RUFY2: variants seen among roughly 807,000 people sequenced by gnomAD.
The protein encoded by RUFY2 is RUN and FYVE domain containing 2.
RUFY2 carries 49 observed loss-of-function variants against 94.4 expected under a neutral mutation model. The observed-to-expected ratio is 0.52, with a 90% confidence interval of 0.41 to 0.66. The LOEUF is 0.66. RUFY2 is among the 30% of genes least tolerant of loss of function. The pLI, the probability that RUFY2 is intolerant of heterozygous loss-of-function variation, is 0.00. For missense variants in RUFY2, 541 were observed against 692.8 expected (o/e 0.78, Z 2.46); for synonymous variants, 255 against 235.7 (o/e 1.08, Z -0.75).
chr10:68,365,746 A>G (rs1227777318), intron 13 of RUFY2, among the ~76,000 whole-genome samples: 1 of 152,186 alleles, frequency 6.6e-6, no homozygotes, highest in African/African-American at 2.4e-5. Context: ...CAAGTAGCCT[A>G]TGATAAAACT....
intron 4 of RUFY2, among the ~76,000 whole-genome samples, chr10:68,395,711 G>A (rs2050344488): frequency 6.6e-6 from 1 of 152,180 alleles, no homozygotes. Context: ...ACTGTCTCAT[G>A]CCTTCTTTAA....
intron 13 of RUFY2, among the ~76,000 whole-genome samples, chr10:68,372,732 C>T (rs911582265): frequency 3.3e-5 from 5 of 151,196 alleles, no homozygotes; most frequent in African/African-American, 9.7e-5. Context: ...TCCACCAAAA[C>T]AAATAAATAA....
intron 15 of RUFY2, among the ~76,000 whole-genome samples, chr10:68,357,577 T>TTTTTTTCTTTAAAAAA (rs2047152008): frequency 6.6e-6 from 1 of 152,070 alleles, no homozygotes; most frequent in Non-Finnish European, 1.5e-5. Context: ...AAAGAAAATG[T>TTTTTTTCTTTAAAAAA]GTTAATGAAA....
rs531934980 is a variant in RUFY2, at chr10:68,363,696, T to A, written c.1456-12A>T. 114 of 1,487,124 alleles carry A rather than the reference T, an allele frequency of 7.7e-5. No individual in the cohort carries two copies. Among genetic ancestry groups the A allele is most frequent in the Non-Finnish European group, 1.0e-4 (110 of 1,095,600 alleles). The allele number at this position is 1,487,124 out of a possible 1,614,324, so 92.1% of individuals were successfully genotyped here. ...AGGTTAAGGAACTCCTTCAGAACAATAAAAGACAGAAAATGAAATTTAAAA... is the reference window on the plus strand; with the variant it reads ...AGGTTAAGGAACTCCTTCAGAACAAAAAAAGACAGAAAATGAAATTTAAAA... On this transcript the variant is annotated splice_polypyrimidine_tract_variant and intron_variant, in intron 14 of 17. Coordinates refer to ENST00000602465, the MANE Select transcript of RUFY2 (RefSeq NM_001330103.2).
At chr10:68,365,545 G>C (rs1379692415) in intron 13 of RUFY2, among the ~76,000 whole-genome samples, 1 of 152,156 alleles carries the variant, frequency 6.6e-6, no homozygotes, top group Non-Finnish European at 1.5e-5. Context: ...GACAGGCTCC[G>C]GCCACCAGAG....
chr10:68,349,423 G>C (rs953836140), intron 16 of RUFY2, among the ~76,000 whole-genome samples: 16 of 121,118 alleles, frequency 1.3e-4, no homozygotes, highest in Admixed American at 3.8e-4. Flanking sequence ...AGGAGGCTGA[G>C]GGGGGGAGGA....
chr10:68,366,196 G>A (rs2047797316), intron 13 of RUFY2, among the ~76,000 whole-genome samples: 1 of 151,324 alleles, frequency 6.6e-6, no homozygotes, highest in Non-Finnish European at 1.5e-5. Context: ...GTGTGCTGGT[G>A]CCCACCCATA....
chr10:68,346,139 A>G, intron 16 of RUFY2, 55 bp from the exon 17 acceptor site: 1 of 1,374,534 alleles, frequency 7.3e-7, no homozygotes, highest in Non-Finnish European at 1.0e-6. Context: ...ATTAAATGTG[A>G]AAACTTTTTC....
At chr10:68,390,815 G>A (rs1408299531) in intron 7 of RUFY2, among the ~76,000 whole-genome samples, 1 of 151,604 alleles carries the variant, frequency 6.6e-6, no homozygotes, top group Non-Finnish European at 1.5e-5. Context: ...CACCGAGGCT[G>A]GAATGCAGTG....
At chr10:68,357,699 T>A (rs942892199) in intron 15 of RUFY2, among the ~76,000 whole-genome samples, 30 of 152,222 alleles carry the variant, frequency 2.0e-4, no homozygotes, top group African/African-American at 6.8e-4. Context: ...TAGTTTTCCA[T>A]AACCAGCTAT....
downstream of RUFY2, chr10:68,341,410 T>A: frequency 7.7e-7 from 1 of 1,292,584 alleles, no homozygotes; most frequent in Non-Finnish European, 1.1e-6. Flanking sequence ...TGTTGGGATT[T>A]AAAACCATTT....
At chr10:68,403,915 C>G (rs2051064577) in intron 2 of RUFY2, among the ~76,000 whole-genome samples, 2 of 151,800 alleles carry the variant, frequency 1.3e-5, no homozygotes, top group Non-Finnish European at 2.9e-5. Context: ...ACTTCAGCCT[C>G]TCGAACAGCT....
rs1301348634 is a variant in RUFY2 at position 68,345,382 on chromosome 10, A to G, written c.*386T>C. 1 of 391,444 alleles carries G rather than the reference A, an allele frequency of 2.6e-6. No homozygotes were observed. The highest frequency in any genetic ancestry group is 4.5e-6 in the Non-Finnish European group (1 of 222,112). 24.2% of individuals were successfully genotyped at this position (391,444 alleles called of 1,614,324 possible). ...AATTTTAAAAGTTTTATGCGTTTCC[A>G]GTTTCAGAACTGTGAAGCTTTAAAG... On this transcript the variant is annotated 3_prime_UTR_variant, in exon 18 of 18. Coordinates refer to ENST00000602465, the MANE Select transcript of RUFY2 (RefSeq NM_001330103.2).
At chr10:68,369,954 A>G (rs1461958334) in intron 13 of RUFY2, among the ~76,000 whole-genome samples, 2 of 151,726 alleles carry the variant, frequency 1.3e-5, no homozygotes, top group East Asian at 3.9e-4. Flanking sequence ...TTTTTAAATT[A>G]CCCAGTCTCG....
At position 68,344,185 on chromosome 10, in the gene RUFY2, T is replaced by C. The variant is rs895703140; in HGVS notation, c.*1583A>G. 2 of 152,002 alleles carry C rather than the reference T, an allele frequency of 1.3e-5. No individual in the cohort carries two copies. Among genetic ancestry groups the C allele is most frequent in the South Asian group, 2.1e-4 (1 of 4,828 alleles). 9.4% of individuals were successfully genotyped at this position (152,002 alleles called of 1,614,324 possible). ...GGAAATTTACGGGTTTTGGAAAAAA[T>C]AGATCTTCAAGTAAAATATTCATTT... On this transcript the variant is annotated 3_prime_UTR_variant, in exon 18 of 18. Coordinates refer to ENST00000602465, the MANE Select transcript of RUFY2 (RefSeq NM_001330103.2).
rs746154674 is a variant in RUFY2 at position 68,364,005 on chromosome 10, T to C, written c.1434A>G (p.Gln478=). 7 of 1,601,736 alleles carry C rather than the reference T, an allele frequency of 4.4e-6. No homozygotes were observed. The highest frequency in any genetic ancestry group is 5.1e-6 in the Non-Finnish European group (6 of 1,169,878). ...TTACTTTTTTAAGACTAATGATTTG[T>C]TGAGTCTCATTTCTAAGATGAGATA... The part of the protein sequence containing the change: ...DALSHLRNET[Q]QIISLKKEFL... Residue 478 remains glutamine, a synonymous_variant, in exon 14 of 18, where the codon CAA becomes CAG. Coordinates refer to ENST00000602465, the MANE Select transcript of RUFY2 (RefSeq NM_001330103.2).
At chr10:68,392,305 C>A (rs1411059342) in intron 7 of RUFY2, among the ~76,000 whole-genome samples, 1 of 152,094 alleles carries the variant, frequency 6.6e-6, no homozygotes, top group African/African-American at 2.4e-5. Flanking sequence ...AGTGGAATTA[C>A]AGGCATGAGC....
At chr10:68,386,611 G>C (rs1316512122) in intron 7 of RUFY2, among the ~76,000 whole-genome samples, 3 of 152,102 alleles carry the variant, frequency 2.0e-5, no homozygotes, top group Non-Finnish European at 4.4e-5. Flanking sequence ...GCCTCCCAAA[G>C]TGCTGGATTA....
Position 68,362,220 on chromosome 10 carries a change from C to T in RUFY2, c.1550+1370G>A, listed in dbSNP as rs184836289. 3.3e-5 allele frequency among the ~76,000 whole-genome samples: 5 copies of T among 151,968 alleles called. No homozygotes were observed. The East Asian group carries it at 5.8e-4, about 18-fold the overall frequency. ...TGTGCGTCTGTGGTCCCAGCTACTC[C>T]GGAGGCTTGAGGTGAGAGAATAGCG... On this transcript the variant is annotated intron_variant, in intron 15 of 17. Coordinates refer to ENST00000602465, the MANE Select transcript of RUFY2 (RefSeq NM_001330103.2).
Sources: allele counts gnomAD v4.1 joint callset (sites outside exome capture counted in the v4.1 genomes callset), GRCh38; gene constraint gnomAD v4.1.1; transcripts MANE v1.5; gene names NCBI Gene and HGNC (gene_info 2026-07-23, HGNC 2026-07-21).